Variants in ZNF273 observed in about 807,000 individuals in gnomAD.
ZNF273 encodes the protein zinc finger protein 273.
ZNF273 carries 11 observed loss-of-function variants against 14.9 expected under a neutral mutation model. The observed-to-expected ratio is 0.74, with a 90% CI of 0.46 to 1.22. The LOEUF (loss-of-function observed/expected upper bound fraction) is 1.22. Ranked by LOEUF, ZNF273 falls within the 50% of genes most tolerant of loss-of-function variation. The probability of loss-of-function intolerance (pLI) is 0.00; values close to 1 mark genes in which losing one functional copy is unlikely to be tolerated. For synonymous variants in ZNF273, 199 were observed against 223.9 expected, an observed-to-expected ratio of 0.89 and a Z score of 0.99; for missense variants, 577 against 660.6, an observed-to-expected ratio of 0.87 and a Z score of 1.39.
chr7:64,922,768 C>T (rs1397970324), intron 3 of ZNF273, among the ~76,000 whole-genome samples: 1 of 151,796 alleles, frequency 6.6e-6, no homozygotes, highest in Non-Finnish European at 1.5e-5. Context: ...GGTTTGAGGC[C>T]AGCCTGGCCA....
upstream of ZNF273, among the ~76,000 whole-genome samples, chr7:64,902,011 G>A (rs1769555203): frequency 6.7e-6 from 1 of 149,992 alleles, no homozygotes; most frequent in African/African-American, 2.4e-5. Context: ...ATCACTTGAG[G>A]TCATGTATAA....
At chr7:64,921,606 T>TG in intron 3 of ZNF273, among the ~76,000 whole-genome samples, 1 of 18,750 alleles carries the variant, frequency 5.3e-5, no homozygotes, top group African/African-American at 2.2e-4. Flanking sequence ...ATGCTAATGC[T>TG]TTTTTTTTTT....
intron 1 of ZNF273, among the ~76,000 whole-genome samples, chr7:64,914,953 T>C (rs1793858170): frequency 6.7e-6 from 1 of 148,424 alleles, no homozygotes; most frequent in South Asian, 2.2e-4. Flanking sequence ...GCTAAACATG[T>C]CTCAGATCAA....
intron 1 of ZNF273, among the ~76,000 whole-genome samples, chr7:64,885,556 C>A (rs1791528087): frequency 6.6e-6 from 1 of 152,176 alleles, no homozygotes; most frequent in Non-Finnish European, 1.5e-5. Flanking sequence ...TGTGTTCATC[C>A]CAGGGTCACT....
intron 3 of ZNF273, among the ~76,000 whole-genome samples, chr7:64,896,122 G>A: frequency 6.6e-6 from 1 of 151,440 alleles, no homozygotes; most frequent in Non-Finnish European, 1.5e-5. Context: ...ACTCTTTCAT[G>A]TATAAATCTC....
At chr7:64,914,533 G>A (rs1360208485) in intron 1 of ZNF273, among the ~76,000 whole-genome samples, 2 of 152,086 alleles carry the variant, frequency 1.3e-5, no homozygotes, top group Non-Finnish European at 2.9e-5. Flanking sequence ...GTTAATTTCT[G>A]CCTTTGTACT....
downstream of ZNF273, among the ~76,000 whole-genome samples, chr7:64,881,349 G>T (rs1325179962): frequency 5.3e-5 from 8 of 152,242 alleles, no homozygotes; most frequent in East Asian, 1.3e-3. Flanking sequence ...CACAGGAAAC[G>T]ATTCCCTGTC....
downstream of ZNF273, among the ~76,000 whole-genome samples, chr7:64,932,691 C>G (rs117970854): frequency 5.1e-3 from 774 of 152,070 alleles, 3 homozygotes; most frequent in Non-Finnish European, 8.5e-3. Flanking sequence ...GGAGCCTGAG[C>G]TGGGTGGATT....
chr7:64,906,127 T>G (rs1793095690), intron 1 of ZNF273, among the ~76,000 whole-genome samples: 1 of 152,240 alleles, frequency 6.6e-6, no homozygotes, highest in Admixed American at 6.5e-5. Context: ...TAATTTTGGC[T>G]GTAGAAAATA....
chr7:64,901,549 T>C (rs941784030), upstream of ZNF273, among the ~76,000 whole-genome samples: 1 of 152,236 alleles, frequency 6.6e-6, no homozygotes, highest in Non-Finnish European at 1.5e-5. Flanking sequence ...TTCTTCTCAT[T>C]GATGTAGTCA....
chr7:64,909,592 A>G (rs938192263), intron 1 of ZNF273, among the ~76,000 whole-genome samples: 7 of 151,496 alleles, frequency 4.6e-5, no homozygotes, highest in Admixed American at 4.6e-4. Context: ...GTCTTTGCTC[A>G]CAAGTACTAT....
exon 4 of ZNF273, chr7:64,897,972 C>G (rs888325811): frequency 6.6e-6 from 1 of 152,024 alleles, no homozygotes; most frequent in Non-Finnish European, 1.5e-5. Context: ...CGTAATCCTC[C>G]CGCCTCGGCC....
At chr7:64,912,546 A>G (rs1198402077) in intron 1 of ZNF273, among the ~76,000 whole-genome samples, 2 of 151,798 alleles carry the variant, frequency 1.3e-5, no homozygotes, top group Non-Finnish European at 2.9e-5. Context: ...GCCCAAGGCT[A>G]CTCCTTAGAT....
At chr7:64,886,922 G>T (rs1210587569) in intron 1 of ZNF273, among the ~76,000 whole-genome samples, 1 of 152,312 alleles carries the variant, frequency 6.6e-6, no homozygotes, top group East Asian at 1.9e-4. Context: ...TCCCCATGTG[G>T]AAGTCTTCTG....
chr7:64,926,027 A>G (rs1794753386), intron 3 of ZNF273, among the ~76,000 whole-genome samples: 2 of 128,454 alleles, frequency 1.6e-5, no homozygotes, highest in African/African-American at 5.8e-5. Flanking sequence ...CCTTTTCACC[A>G]TCTTTGATAT....
Position 64,924,420 on chromosome 7 carries a change from A to G in ZNF273, c.326-3234A>G, listed in dbSNP as rs10251379. The G allele has an allele frequency of 1.1e-3, 169 of 152,328 alleles. 1 individual carries two copies. Among genetic ancestry groups the G allele is most frequent in the African/African-American group, 3.7e-3 (152 of 41,568 alleles). The allele number at this position is 152,328 out of a possible 1,614,324, so 9.4% of individuals were successfully genotyped here. ...TTACTATAGAAAATGGGATATTAAA[A>G]TAGTCTATAATTATATTGTTCTCTA... On this transcript the variant is annotated intron_variant, in intron 3 of 3. Transcript: ENST00000476120.
At chr7:64,905,109 C>CTTT (rs61024093) in intron 1 of ZNF273, among the ~76,000 whole-genome samples, 27 of 75,364 alleles carry the variant, frequency 3.6e-4, no homozygotes, top group African/African-American at 1.3e-3. Flanking sequence ...TCCTGGTGCA[C>CTTT]TTTTTTTTTT....
intron 1 of ZNF273, 92 bp downstream of exon 1, chr7:64,903,511 A>T: frequency 7.9e-7 from 1 of 1,272,910 alleles, no homozygotes; most frequent in Admixed American, 1.8e-5. Flanking sequence ...GCCTCCCTGC[A>T]GTAGACTCCA....
At chr7:64,931,762 C>T (rs1313529244), downstream of ZNF273, among the ~76,000 whole-genome samples, 6 of 151,994 alleles carry the variant, frequency 3.9e-5, no homozygotes, top group East Asian at 9.7e-4. Context: ...AACAGATGCT[C>T]CATAGTAAGA....
Sources: gnomAD v4.1 joint callset for allele counts (sites outside exome capture counted in the v4.1 genomes callset) on GRCh38, gnomAD v4.1.1 for gene constraint, MANE v1.5 for transcripts, NCBI Gene and HGNC (gene_info 2026-07-23, HGNC 2026-07-21) for gene names.